Variants in MYO1B observed in about 807,000 individuals in gnomAD.
MYO1B encodes the protein myosin IB, also known as unconventional myosin-Ib.
MYO1B carries 72 observed loss-of-function variants against 159.7 expected under a neutral mutation model. That is an observed-to-expected ratio of 0.45 (90% CI 0.37 to 0.55). MYO1B has a LOEUF of 0.55. Ranked by LOEUF, MYO1B falls within the 20% of genes least tolerant of loss-of-function variation. The pLI, the probability that MYO1B is intolerant of heterozygous loss-of-function variation, is 0.00. For missense variants in MYO1B, 1,062 were observed against 1,364.8 expected (o/e 0.78, Z 3.50); for synonymous variants, 468 against 473.8 (o/e 0.99, Z 0.16).
At chr2:191,281,572 G>A (rs1688064797) in intron 2 of MYO1B, among the ~76,000 whole-genome samples, 1 of 152,198 alleles carries the variant, frequency 6.6e-6, no homozygotes, top group African/African-American at 2.4e-5. Context: ...CGGCCCCCAG[G>A]CCAGATGGAT....
chr2:191,388,037 A>T (rs747820929), intron 17 of MYO1B: 1 of 154,442 alleles, frequency 6.5e-6, no homozygotes, highest in Non-Finnish European at 1.4e-5. Flanking sequence ...TAATCCCAAC[A>T]CTTAGGGAGG....
At chr2:191,391,394 C>T (rs1422552513) in intron 18 of MYO1B, among the ~76,000 whole-genome samples, 1 of 152,200 alleles carries the variant, frequency 6.6e-6, no homozygotes, top group Non-Finnish European at 1.5e-5. Flanking sequence ...CTAGAAACTC[C>T]AGATGTATGG....
chr2:191,371,453 G>A (rs1317147199), intron 13 of MYO1B, among the ~76,000 whole-genome samples: 1 of 152,196 alleles, frequency 6.6e-6, no homozygotes, highest in Non-Finnish European at 1.5e-5. Context: ...TAAGTGGTGT[G>A]TGTATGGTCT....
chr2:191,342,776 G>C (rs768654132), intron 5 of MYO1B, among the ~76,000 whole-genome samples: 1 of 152,178 alleles, frequency 6.6e-6, no homozygotes. Flanking sequence ...GAGTCTGGGA[G>C]GTGGAGTTTG....
intron 13 of MYO1B, among the ~76,000 whole-genome samples, chr2:191,375,042 T>G (rs1348483603): frequency 6.6e-6 from 1 of 152,240 alleles, no homozygotes; most frequent in Non-Finnish European, 1.5e-5. Flanking sequence ...TGGTCATTAG[T>G]GTTCTGTAGA....
intron 1 of MYO1B, among the ~76,000 whole-genome samples, chr2:191,251,417 GA>G (rs1251382307): frequency 6.6e-6 from 1 of 152,174 alleles, no homozygotes; most frequent in Non-Finnish European, 1.5e-5. Flanking sequence ...ATAAATAGCA[GA>G]AAAGTAAAAA....
chr2:191,328,427 G>T (rs1691245023), intron 3 of MYO1B, among the ~76,000 whole-genome samples: 1 of 152,140 alleles, frequency 6.6e-6, no homozygotes, highest in Admixed American at 6.5e-5. Context: ...AAATGCAAAG[G>T]TGCTTTATCC....
In MYO1B at chr2:191,364,142, C is replaced by T. The variant is rs763221911; in HGVS notation, c.914-16C>T. ...TGTACAGTCACTTTTTGTGTCCATC[C>T]CCTGCCTTCCCACAGAGTTAAAAGA... On this transcript the variant is annotated splice_polypyrimidine_tract_variant and intron_variant, in intron 10 of 30. Coordinates refer to ENST00000392318, the MANE Select transcript of MYO1B (RefSeq NM_001130158.3). 1.2e-6 allele frequency: 2 copies of T among 1,600,746 alleles called. No homozygotes were observed.
intron 3 of MYO1B, among the ~76,000 whole-genome samples, chr2:191,329,450 T>G (rs1691313232): frequency 6.6e-6 from 1 of 151,988 alleles, no homozygotes. Flanking sequence ...GAAACTTCAG[T>G]GTATGGTCCT....
At chr2:191,355,310 A>G (rs34303459) in intron 7 of MYO1B, among the ~76,000 whole-genome samples, 50,758 of 152,086 alleles carry the variant, frequency 0.33, 8,732 homozygotes, top group South Asian at 0.49. Context: ...GGCGCCCACA[A>G]TCGTGAGCTA....
rs142640638 is a variant in MYO1B at position 191,308,626 on chromosome 2, T to C, written c.251+12400T>C. Among the ~76,000 whole-genome samples, 346 of 152,338 alleles carry C rather than the reference T, an allele frequency of 2.3e-3. 8 individuals carry two copies. The East Asian group carries it at 0.049, about 21-fold the overall frequency. Reference sequence around the variant, plus strand: ...TTGATTTCACATCTCCTAGCTACCATGCCATTTGTTTCCTTTATTACCAAA... The same window carrying C: ...TTGATTTCACATCTCCTAGCTACCACGCCATTTGTTTCCTTTATTACCAAA... On this transcript the variant is annotated intron_variant, in intron 3 of 30. Coordinates refer to ENST00000392318, the MANE Select transcript of MYO1B (RefSeq NM_001130158.3).
chr2:191,386,714 T>C (rs1695419444), intron 16 of MYO1B, among the ~76,000 whole-genome samples: 1 of 152,202 alleles, frequency 6.6e-6, no homozygotes, highest in Non-Finnish European at 1.5e-5. Context: ...AAAAAGTATA[T>C]AGTACCTGAA....
In MYO1B at chr2:191,390,323, C is replaced by T. The variant is rs1695667605; in HGVS notation, c.1813C>T (p.His605Tyr). The T allele has an allele frequency of 6.2e-7, 1 of 1,613,878 alleles. No homozygotes were observed. Reference sequence around the variant, plus strand: ...CAAACCGAATGATAAAAAAGCAGCACACATCTTCAACGAGGCTCTAGTGTG... The same window carrying T: ...CAAACCGAATGATAAAAAAGCAGCATACATCTTCAACGAGGCTCTAGTGTG... ...CIKPNDKKAA[H>Y]IFNEALVCHQ... Residue 605 changes from histidine to tyrosine, a missense_variant, in exon 18 of 31, where the codon CAC becomes TAC. By Grantham distance (83) the His-to-Tyr change is moderately conservative. Transcript: ENST00000392318.
intron 3 of MYO1B, among the ~76,000 whole-genome samples, chr2:191,311,489 T>G (rs1180371537): frequency 6.6e-6 from 1 of 152,200 alleles, no homozygotes; most frequent in Non-Finnish European, 1.5e-5. Flanking sequence ...CTTTAGGAAT[T>G]GCTAGTTTTT....
chr2:191,333,710 TCTCTGTCTCTGC>T (rs1030585167), intron 4 of MYO1B, among the ~76,000 whole-genome samples: 3 of 152,202 alleles, frequency 2.0e-5, no homozygotes, highest in African/African-American at 7.2e-5. Flanking sequence ...TCTTTATCTC[TCTCTGTCTCTGC>T]CTCTGTCTCT....
rs1574514651 is a variant in MYO1B at position 191,363,885 on chromosome 2, TG to T, written c.913+12del. 6.2e-7 allele frequency: 1 copy of T among 1,611,672 alleles called. No individual in the cohort carries two copies. ...ATCAAAGATAAAAATGGTACATCCG[TG>T]GAGAATCAACTTTGTTTGTTTAGGA... is the stretch of plus-strand genomic sequence containing the variant. On this transcript the variant is annotated intron_variant, in intron 10 of 30. Transcript: ENST00000392318.
intron 3 of MYO1B, among the ~76,000 whole-genome samples, chr2:191,307,548 C>T (rs1242861330): frequency 1.3e-5 from 2 of 152,098 alleles, no homozygotes; most frequent in Admixed American, 1.3e-4. Flanking sequence ...CTTATTTTAT[C>T]GCGCCCCTAT....
Position 191,387,448 on chromosome 2 carries a change from T to G in MYO1B, c.1779T>G (p.Ile593Met), listed in dbSNP as rs1356079720. 1 of 1,613,664 alleles carries G rather than the reference T, an allele frequency of 6.2e-7. No individual in the cohort carries two copies. Among genetic ancestry groups the G allele is most frequent in the South Asian group, 1.1e-5 (1 of 91,070 alleles). ...KNLQTKNPNY[I>M]RCIKPNDKKA... ...TACAGACCAAGAACCCAAACTATAT[T>G]AGGTATTTTTGGCACATGAAACTTT... Residue 593 changes from isoleucine to methionine, a missense_variant and splice_region_variant, in exon 17 of 31, where the codon ATT becomes ATG. Physicochemically the swap from Ile to Met is conservative, Grantham distance 10 (BLOSUM62 1). Around this residue, in one of 5 missense-constraint regions of MYO1B, gnomAD observed 609 missense variants for 744.4 expected, o/e 0.82. Transcript: ENST00000392318.
At position 191,277,043 on chromosome 2, in the gene MYO1B, G is replaced by A. The variant is rs370679478; in HGVS notation, c.135+13G>A. On this transcript the variant is annotated intron_variant, in intron 2 of 30. Transcript: ENST00000392318. The stretch of plus-strand genomic sequence containing the variant: ...CAGTGAAATATACGTAAGTACACAC[G>A]AAGGTCATCTGTAATGTTTAGACTT... 1,420 of 1,611,480 alleles carry A rather than the reference G, an allele frequency of 8.8e-4. 1 individual carries two copies. Among genetic ancestry groups the A allele is most frequent in the Non-Finnish European group, 1.1e-3 (1,248 of 1,179,352 alleles).
Sources: allele counts gnomAD v4.1 joint callset (sites outside exome capture counted in the v4.1 genomes callset), GRCh38; gene constraint gnomAD v4.1.1; regional missense constraint gnomAD v4.1.1; transcripts MANE v1.5; gene names NCBI Gene and HGNC (gene_info 2026-07-23, HGNC 2026-07-21).